The following TEC variants were observed in gnomAD, a reference collection of about 807,000 sequenced individuals.
The protein encoded by TEC is tyrosine-protein kinase Tec.
Under a neutral mutation model 93.0 loss-of-function variants are expected in TEC, and 72 were observed. The observed-to-expected ratio is 0.77, with a 90% CI of 0.64 to 0.94. TEC has a LOEUF of 0.94. Ranked by LOEUF, TEC falls within the 40% of genes least tolerant of loss-of-function variation. TEC has a pLI of 0.00. For synonymous variants in TEC, 249 were observed against 247.7 expected, an observed-to-expected ratio of 1.01 and a Z score of -0.05; for missense variants, 630 against 757.9, an observed-to-expected ratio of 0.83 and a Z score of 1.98.
At chr4:48,225,056 C>T (rs971709720) in intron 2 of TEC, among the ~76,000 whole-genome samples, 7 of 152,186 alleles carry the variant, frequency 4.6e-5, no homozygotes, top group Non-Finnish European at 1.5e-5. Flanking sequence ...TATTTTATTT[C>T]TGAATGGCCC....
intron 1 of TEC, among the ~76,000 whole-genome samples, chr4:48,235,833 G>T (rs1332645930): frequency 6.6e-6 from 1 of 152,148 alleles, no homozygotes; most frequent in African/African-American, 2.4e-5. Context: ...TCAATGTATT[G>T]AATCACTTCA....
At chr4:48,146,248 A>T in intron 12 of TEC, 77 bp downstream of exon 12, 5 of 1,358,950 alleles carry the variant, frequency 3.7e-6, no homozygotes, top group Non-Finnish European at 5.2e-6. Context: ...GTGAAATAGT[A>T]CACATCCAAA....
chr4:48,265,235 TAG>T (rs1422974221), intron 1 of TEC, among the ~76,000 whole-genome samples: 2 of 151,318 alleles, frequency 1.3e-5, no homozygotes, highest in African/African-American at 2.4e-5. Flanking sequence ...ACCAAAAAAA[TAG>T]AGATTTTGAT....
At chr4:48,172,861 A>G (rs977864362) in intron 3 of TEC, among the ~76,000 whole-genome samples, 3 of 152,176 alleles carry the variant, frequency 2.0e-5, no homozygotes, top group African/African-American at 7.2e-5. Flanking sequence ...CCACACAACC[A>G]ACTCTGTACA....
At chr4:48,203,889 C>T (rs576704888) in intron 2 of TEC, among the ~76,000 whole-genome samples, 2 of 152,324 alleles carry the variant, frequency 1.3e-5, no homozygotes, top group South Asian at 2.1e-4. Flanking sequence ...AGCACAGACA[C>T]AGGGAGGAGC....
intron 5 of TEC, among the ~76,000 whole-genome samples, chr4:48,169,649 T>A (rs1392848957): frequency 6.6e-6 from 1 of 152,180 alleles, no homozygotes; most frequent in East Asian, 1.9e-4. Flanking sequence ...TATCCAATCA[T>A]TACTATGGGT....
chr4:48,209,939 T>C (rs1722842370), intron 2 of TEC, among the ~76,000 whole-genome samples: 1 of 152,202 alleles, frequency 6.6e-6, no homozygotes, highest in Non-Finnish European at 1.5e-5. Flanking sequence ...GCAGAAATTG[T>C]CAGATATTAG....
chr4:48,228,258 A>G (rs1723541063), intron 2 of TEC, among the ~76,000 whole-genome samples: 1 of 152,204 alleles, frequency 6.6e-6, no homozygotes, highest in South Asian at 2.1e-4. Context: ...AAAGTAATGT[A>G]ATCTAATAGA....
At chr4:48,203,393 T>TA (rs1722596671) in intron 2 of TEC, among the ~76,000 whole-genome samples, 1 of 152,022 alleles carries the variant, frequency 6.6e-6, no homozygotes, top group South Asian at 2.1e-4. Flanking sequence ...ACTTGGGGTT[T>TA]AGACAGCTCA....
chr4:48,189,182 G>A (rs991945029), intron 2 of TEC, among the ~76,000 whole-genome samples: 1 of 152,098 alleles, frequency 6.6e-6, no homozygotes, highest in Non-Finnish European at 1.5e-5. Flanking sequence ...TATATGTAAC[G>A]GCTGAAGTTT....
chr4:48,169,641 T>A (rs2109545101), intron 5 of TEC, among the ~76,000 whole-genome samples: 1 of 152,264 alleles, frequency 6.6e-6, no homozygotes. Flanking sequence ...AAACGGTATA[T>A]CCAATCATTA....
chr4:48,171,544 G>T, intron 3 of TEC, 95 bp from the exon 4 acceptor site: 1 of 824,074 alleles, frequency 1.2e-6, no homozygotes, highest in Non-Finnish European at 1.8e-6. Flanking sequence ...ACCAATAAAT[G>T]ATTCTCAAAT....
rs1429575846 is a variant in TEC, at chr4:48,137,199, G to T, written c.*217C>A. The stretch of plus-strand genomic sequence containing the variant: ...GCCTGAGGAATGAATAGAAATGAGT[G>T]ATTTTAATCACCATTTCTAAGGCAA... On this transcript the variant is annotated 3_prime_UTR_variant, in exon 18 of 18. Transcript: ENST00000381501. 2 of 548,688 alleles carry T rather than the reference G, an allele frequency of 3.6e-6. No homozygotes were observed. The highest frequency in any genetic ancestry group is 6.9e-5 in the Admixed American group (2 of 28,972). 34.0% of individuals were successfully genotyped at this position (548,688 alleles called of 1,614,324 possible).
chr4:48,145,640 A>T, intron 12 of TEC, 61 bp from the exon 13 acceptor site: 1 of 1,566,462 alleles, frequency 6.4e-7, no homozygotes, highest in African/African-American at 1.4e-5. Context: ...TGAATCAGAG[A>T]GGGGGAAAAA....
chr4:48,217,627 G>A (rs937782962), intron 2 of TEC, among the ~76,000 whole-genome samples: 22 of 152,130 alleles, frequency 1.4e-4, no homozygotes, highest in African/African-American at 4.8e-4. Context: ...TGTAACAAAG[G>A]ACAGCATTTC....
At chr4:48,171,477 T>C (rs1721109125) in intron 3 of TEC, 28 bp from the exon 4 acceptor site, 1 of 1,594,566 alleles carries the variant, frequency 6.3e-7, no homozygotes. Flanking sequence ...ATGGAATTGG[T>C]GAAGAGGACT....
chr4:48,232,082 G>A (rs575355273), intron 1 of TEC, among the ~76,000 whole-genome samples: 15 of 151,918 alleles, frequency 9.9e-5, no homozygotes, highest in African/African-American at 3.1e-4. Context: ...TGAGGTCAGG[G>A]GTTCAAGACC....
intron 9 of TEC, among the ~76,000 whole-genome samples, chr4:48,154,824 T>G (rs1284381608): frequency 1.3e-5 from 2 of 152,202 alleles, no homozygotes; most frequent in Non-Finnish European, 2.9e-5. Flanking sequence ...TATTGAAGGT[T>G]GTGTGGACTA....
At chr4:48,174,394 C>T (rs927326795) in intron 3 of TEC, among the ~76,000 whole-genome samples, 2 of 152,154 alleles carry the variant, frequency 1.3e-5, no homozygotes. Context: ...TGCAGTGGCT[C>T]ACGACTGTAA....
Sources: gnomAD v4.1 joint callset for allele counts (sites outside exome capture counted in the v4.1 genomes callset) on GRCh38, gnomAD v4.1.1 for gene constraint, MANE v1.5 for transcripts, NCBI Gene and HGNC (gene_info 2026-07-23, HGNC 2026-07-21) for gene names.